P2RY14: variants seen among roughly 807,000 people sequenced by gnomAD.
P2RY14 encodes the protein P2Y purinoceptor 14.
In P2RY14, 2 loss-of-function variants were observed where a neutral mutation model predicts 0.9. The observed-to-expected ratio is 2.16, with a 90% confidence interval of 0.88 to 6.79. The LOEUF (loss-of-function observed/expected upper bound fraction) is 6.79. Ranked by LOEUF, P2RY14 falls within the 30% of genes most tolerant of loss-of-function variation. The pLI is 0.05. For synonymous variants in P2RY14, 158 were observed against 147.2 expected, an observed-to-expected ratio of 1.07 and a Z score of -0.53; for missense variants, 378 against 400.1, an observed-to-expected ratio of 0.94 and a Z score of 0.47.
intron 1 of P2RY14, among the ~76,000 whole-genome samples, chr3:151,223,922 C>T (rs1038749900): frequency 2.0e-5 from 3 of 152,176 alleles, no homozygotes; most frequent in Admixed American, 6.5e-5. Flanking sequence ...CCAAATACCT[C>T]GTGTTTTAAC....
intron 1 of P2RY14, among the ~76,000 whole-genome samples, chr3:151,253,915 G>A (rs1245595375): frequency 1.3e-5 from 2 of 151,810 alleles, no homozygotes; most frequent in Admixed American, 6.6e-5. Context: ...TAATCAGTGA[G>A]GACCTCCACT....
At chr3:151,220,795 C>T (rs1729191529) in intron 1 of P2RY14, among the ~76,000 whole-genome samples, 1 of 152,182 alleles carries the variant, frequency 6.6e-6, no homozygotes, top group African/African-American at 2.4e-5. Context: ...TTTTTATCAG[C>T]AGTGTGAAAA....
At chr3:151,242,184 A>G (rs1187758034) in intron 1 of P2RY14, among the ~76,000 whole-genome samples, 170 of 152,314 alleles carry the variant, frequency 1.1e-3, no homozygotes, top group Middle Eastern at 3.4e-3. Context: ...CAAGGCAGCA[A>G]CACGGCTGGG....
intron 1 of P2RY14, among the ~76,000 whole-genome samples, chr3:151,259,035 G>A (rs921276987): frequency 2.6e-5 from 4 of 152,112 alleles, no homozygotes; most frequent in African/African-American, 4.8e-5. Flanking sequence ...TTTACTATTA[G>A]CAATAAATCA....
In P2RY14 at chr3:151,212,775, G is replaced by T. The variant is rs1225462498; in HGVS notation, c.*525C>A. The T allele has an allele frequency of 6.6e-6, 1 of 151,478 alleles. No individual in the cohort carries two copies. The highest frequency in any genetic ancestry group is 2.1e-4 in the South Asian group (1 of 4,790). The allele number at this position is 151,478 out of a possible 1,614,324, so 9.4% of individuals were successfully genotyped here. A position where few individuals can be genotyped will look rare whatever the true frequency, so the allele number is the denominator to read the frequency against. On this transcript the variant is annotated 3_prime_UTR_variant, in exon 3 of 3. Coordinates refer to ENST00000309170, the MANE Select transcript of P2RY14 (RefSeq NM_014879.4). Reference sequence around the variant, plus strand: ...AGGGGTTTCTTAAGTGATTGTCTGGGTGTCAGCTTTTCCTGCTTCTTCAAA... The same window carrying T: ...AGGGGTTTCTTAAGTGATTGTCTGGTTGTCAGCTTTTCCTGCTTCTTCAAA...
At chr3:151,262,501 C>T (rs1479353106) in intron 1 of P2RY14, among the ~76,000 whole-genome samples, 1 of 152,322 alleles carries the variant, frequency 6.6e-6, no homozygotes. Context: ...ATAGACTTTA[C>T]ATAGTTCAGC....
intron 1 of P2RY14, among the ~76,000 whole-genome samples, chr3:151,274,597 A>G (rs1741541867): frequency 6.6e-6 from 1 of 152,254 alleles, no homozygotes; most frequent in African/African-American, 2.4e-5. Context: ...CTGTACATGC[A>G]GGGCTATCAG....
At chr3:151,266,750 T>A (rs756710934) in intron 1 of P2RY14, among the ~76,000 whole-genome samples, 1 of 152,170 alleles carries the variant, frequency 6.6e-6, no homozygotes, top group Non-Finnish European at 1.5e-5. Context: ...AAAGCATACA[T>A]GCAGGAAATA....
chr3:151,215,101 T>A (rs3773619), intron 2 of P2RY14, among the ~76,000 whole-genome samples: 7,828 of 152,222 alleles, frequency 0.051, 281 homozygotes, highest in Middle Eastern at 0.095. Context: ...TGGGTACCTT[T>A]TCAATATTGA....
chr3:151,270,075 AGAAGAT>A (rs1443203773), intron 1 of P2RY14: 2 of 229,570 alleles, frequency 8.7e-6, no homozygotes, highest in Non-Finnish European at 1.7e-5. Context: ...ATGAAGATGA[AGAAGAT>A]GAAGATGATG....
chr3:151,255,226 G>A (rs934383461), intron 1 of P2RY14, among the ~76,000 whole-genome samples: 4 of 152,088 alleles, frequency 2.6e-5, no homozygotes, highest in African/African-American at 4.8e-5. Context: ...ATATAACAGG[G>A]GATGTGAGAG....
chr3:151,231,471 TTTAG>T (rs527466332), intron 1 of P2RY14, among the ~76,000 whole-genome samples: 244 of 152,324 alleles, frequency 1.6e-3, no homozygotes, highest in African/African-American at 5.7e-3. Context: ...CCTGATATGA[TTTAG>T]TTAGATGTAC....
intron 1 of P2RY14, among the ~76,000 whole-genome samples, chr3:151,274,120 C>A (rs1223085544): frequency 6.6e-6 from 1 of 152,196 alleles, no homozygotes; most frequent in Non-Finnish European, 1.5e-5. Flanking sequence ...GATGAACCAA[C>A]CCATATTCAG....
At chr3:151,268,103 A>G (rs1470385081) in intron 1 of P2RY14, among the ~76,000 whole-genome samples, 3 of 152,118 alleles carry the variant, frequency 2.0e-5, no homozygotes, top group Non-Finnish European at 4.4e-5. Context: ...AACAGTGGGA[A>G]TACTTCTTTT....
intron 1 of P2RY14, among the ~76,000 whole-genome samples, chr3:151,257,629 C>T (rs940999201): frequency 3.3e-5 from 5 of 152,186 alleles, no homozygotes; most frequent in South Asian, 2.1e-4. Flanking sequence ...AGTATTATTT[C>T]GTATATGGAG....
At chr3:151,256,814 TG>T (rs1314789947) in intron 1 of P2RY14, among the ~76,000 whole-genome samples, 6 of 137,580 alleles carry the variant, frequency 4.4e-5, no homozygotes, top group African/African-American at 1.6e-4. Context: ...TAATCCAGTC[TG>T]TTTTTTTTTT....
chr3:151,233,732 T>C (rs771979365), intron 1 of P2RY14, among the ~76,000 whole-genome samples: 5 of 152,152 alleles, frequency 3.3e-5, no homozygotes, highest in Admixed American at 6.5e-5. Flanking sequence ...AAACTCCGTC[T>C]CAAAAAAACA....
intron 1 of P2RY14, among the ~76,000 whole-genome samples, chr3:151,230,624 CTA>C (rs1482294765): frequency 2.7e-5 from 4 of 148,132 alleles, no homozygotes; most frequent in Non-Finnish European, 4.5e-5. Flanking sequence ...TCTTTGAACT[CTA>C]TGTGTTATTG....
chr3:151,278,510 G>A lies in P2RY14; in HGVS notation c.-356C>T, dbSNP rs548011022. ...TGGAAACAAAGAGGAAGGAAGAGAC[G>A]TTTTAATCTCTGTGGGTGTTAGGCT... is the stretch of plus-strand genomic sequence containing the variant. On this transcript the variant is annotated 5_prime_UTR_variant, in exon 1 of 3. It adds an upstream start codon to the 5' untranslated region. Coordinates refer to ENST00000309170, the MANE Select transcript of P2RY14 (RefSeq NM_014879.4). The A allele has an allele frequency of 4.6e-5, 7 of 152,312 alleles. No individual in the cohort carries two copies. The highest frequency in any genetic ancestry group is 2.1e-4 in the South Asian group (1 of 4,824). 9.4% of individuals were successfully genotyped at this position (152,312 alleles called of 1,614,324 possible).
Sources: gnomAD v4.1 joint callset for allele counts (sites outside exome capture counted in the v4.1 genomes callset) on GRCh38, gnomAD v4.1.1 for gene constraint, MANE v1.5 for transcripts, NCBI Gene and HGNC (gene_info 2026-07-23, HGNC 2026-07-21) for gene names.